The following POU2F3 variants were observed in gnomAD, a reference collection of about 807,000 sequenced individuals.
The protein encoded by POU2F3 is POU class 2 homeobox 3.
In POU2F3, 23 loss-of-function variants were observed where a neutral mutation model predicts 59.2. The ratio of observed to expected loss-of-function variants is 0.39; its 90% confidence interval spans 0.28 to 0.55. The LOEUF (loss-of-function observed/expected upper bound fraction) is 0.55, where lower values mean the gene tolerates loss of function less well. Among genes scored for constraint, POU2F3 ranks in the 20% least tolerant of loss-of-function variants. POU2F3 has a pLI of 0.66. For missense variants in POU2F3, 473 were observed against 544.5 expected (o/e 0.87, Z 1.31); for synonymous variants, 190 against 214.6 (o/e 0.89, Z 1.00).
At chr11:120,315,543 T>A in intron 11 of POU2F3, 116 bp downstream of exon 11, 1 of 988,418 alleles carries the variant, frequency 1.0e-6, no homozygotes, top group Non-Finnish European at 1.5e-6. Flanking sequence ...CAAAGGATAT[T>A]AAAATCTGTG....
upstream of POU2F3, among the ~76,000 whole-genome samples, chr11:120,238,959 C>A (rs539156546): frequency 2.8e-4 from 43 of 151,628 alleles, no homozygotes; most frequent in African/African-American, 1.0e-3. Context: ...GAACTAAAGG[C>A]ACGAAAGATG....
At chr11:120,304,262 T>C (rs889945322) in intron 6 of POU2F3, 5 of 147,566 alleles carry the variant, frequency 3.4e-5, no homozygotes, top group South Asian at 2.2e-4. Context: ...GCCCAGGAGG[T>C]TGACGCTGCA....
intron 7 of POU2F3, 171 bp downstream of exon 7, chr11:120,305,383 G>A: frequency 1.1e-6 from 1 of 918,488 alleles, no homozygotes; most frequent in Non-Finnish European, 1.6e-6. Flanking sequence ...GGAAACTGAG[G>A]ACGTTGCTGG....
rs746020637 is a variant in POU2F3, at chr11:120,302,353, G to T, written c.429G>T (p.Pro143=). The change falls in exon 6 of 13, where the codon CCG becomes CCT. Residue 143 remains proline, a synonymous_variant. Transcript: ENST00000543440. Reference sequence around the variant, plus strand: ...GTCTCCTCCTCCCACAGACTGGGCCGGGACTGGCATCCCAGGTAAACAACC... The same window carrying T: ...GTCTCCTCCTCCCACAGACTGGGCCTGGACTGGCATCCCAGGTAAACAACC... ...QSGLLLPQTG[P]GLASQAFGHP... 1.7e-5 allele frequency: 27 copies of T among 1,608,982 alleles called. No homozygotes were observed. The South Asian group carries it at 2.9e-4, about 17-fold the overall frequency.
intron 3 of POU2F3, among the ~76,000 whole-genome samples, chr11:120,286,369 C>G (rs893323553): frequency 6.6e-6 from 1 of 152,184 alleles, no homozygotes; most frequent in Non-Finnish European, 1.5e-5. Flanking sequence ...CACAAGTGTA[C>G]AGCATAACAC....
chr11:120,257,189 A>G (rs905310683), intron 2 of POU2F3, among the ~76,000 whole-genome samples: 4 of 152,080 alleles, frequency 2.6e-5, no homozygotes, highest in Non-Finnish European at 5.9e-5. Flanking sequence ...ATCTTGCCCT[A>G]TTTTCCTATT....
intron 2 of POU2F3, among the ~76,000 whole-genome samples, chr11:120,257,559 C>T (rs1272259555): frequency 6.6e-6 from 1 of 152,076 alleles, no homozygotes; most frequent in Admixed American, 6.6e-5. Context: ...TTCTCAGGGC[C>T]TCTGAGTGCA....
intron 4 of POU2F3, among the ~76,000 whole-genome samples, chr11:120,298,664 A>G (rs1201020371): frequency 6.6e-6 from 1 of 152,228 alleles, no homozygotes; most frequent in African/African-American, 2.4e-5. Flanking sequence ...TCTGCCAGCC[A>G]CATTCAGGGG....
At chr11:120,263,184 G>A (rs1014661581) in intron 2 of POU2F3, among the ~76,000 whole-genome samples, 10 of 152,120 alleles carry the variant, frequency 6.6e-5, no homozygotes, top group East Asian at 3.9e-4. Context: ...TAGAGACGTC[G>A]TTTCACCATG....
At chr11:120,313,314 C>T (rs970686100) in intron 10 of POU2F3, among the ~76,000 whole-genome samples, 19 of 152,362 alleles carry the variant, frequency 1.2e-4, no homozygotes, top group Middle Eastern at 3.4e-3. Flanking sequence ...GCACCTGCAA[C>T]GTTCCAGGCA....
intron 3 of POU2F3, among the ~76,000 whole-genome samples, chr11:120,288,643 G>T (rs182239935): frequency 6.6e-6 from 1 of 152,182 alleles, no homozygotes; most frequent in Non-Finnish European, 1.5e-5. Flanking sequence ...AAATGTGTTT[G>T]AAAGTGCTTT....
intron 2 of POU2F3, among the ~76,000 whole-genome samples, chr11:120,260,502 TA>T (rs1939548802): frequency 6.6e-6 from 1 of 152,200 alleles, no homozygotes; most frequent in African/African-American, 2.4e-5. Context: ...CTTCATTGGG[TA>T]TTATGGCCGT....
chr11:120,250,976 CA>C (rs1314731650), intron 2 of POU2F3, among the ~76,000 whole-genome samples: 77 of 131,888 alleles, frequency 5.8e-4, no homozygotes, highest in East Asian at 1.1e-3. Flanking sequence ...AACTCCGTCT[CA>C]AAAAAAAAAA....
Position 120,307,513 on chromosome 11 carries a change from C to T in POU2F3, c.804C>T (p.Pro268=). ...CGTCAGACCCCTCAGTGAGCACGCCCAGCTCCTACCCCAGCCTCAGTGAAG... is the reference window on the plus strand; with the variant it reads ...CGTCAGACCCCTCAGTGAGCACGCCTAGCTCCTACCCCAGCCTCAGTGAAG... The part of the protein sequence containing the change: ...SSPSDPSVST[P]SSYPSLSEVF... Residue 268 remains proline (P), a synonymous_variant, in exon 9 of 13, where the codon CCC becomes CCT. Transcript: ENST00000543440. 1 of 1,614,220 alleles carries T rather than the reference C, an allele frequency of 6.2e-7. No homozygotes were observed. Among genetic ancestry groups the T allele is most frequent in the South Asian group, 1.1e-5 (1 of 91,088 alleles).
chr11:120,298,866 G>A (rs1017186544), intron 4 of POU2F3, among the ~76,000 whole-genome samples: 29 of 152,166 alleles, frequency 1.9e-4, no homozygotes, highest in African/African-American at 6.8e-4. Context: ...TTCTCAGCAG[G>A]GATCACCTGG....
intron 2 of POU2F3, among the ~76,000 whole-genome samples, chr11:120,258,228 C>T (rs1382282406): frequency 6.6e-6 from 1 of 152,182 alleles, no homozygotes. Flanking sequence ...CCACTTTCCT[C>T]ACCCTGGGGG....
intron 3 of POU2F3, among the ~76,000 whole-genome samples, chr11:120,276,580 C>T (rs186720544): frequency 2.7e-5 from 4 of 148,572 alleles, no homozygotes; most frequent in East Asian, 2.0e-4. Context: ...CAGGGCAGGG[C>T]GGGGCAGGCT....
At chr11:120,315,865 CTTTTTT>C (rs34115412) in intron 11 of POU2F3, among the ~76,000 whole-genome samples, 4 of 73,044 alleles carry the variant, frequency 5.5e-5, no homozygotes, top group Non-Finnish European at 7.7e-5. Flanking sequence ...CTTCCTTCCA[CTTTTTT>C]TTTTTTTTTT....
At chr11:120,247,679 T>A (rs889353653) in intron 2 of POU2F3, among the ~76,000 whole-genome samples, 1 of 152,222 alleles carries the variant, frequency 6.6e-6, no homozygotes, top group Admixed American at 6.5e-5. Flanking sequence ...TCTTCCCAGT[T>A]GAGAAGAAGA....
Sources: allele counts gnomAD v4.1 joint callset (sites outside exome capture counted in the v4.1 genomes callset), GRCh38; gene constraint gnomAD v4.1.1; transcripts MANE v1.5; gene names NCBI Gene and HGNC (gene_info 2026-07-23, HGNC 2026-07-21).